The following EXOC6B variants were observed in gnomAD, a reference collection of about 807,000 sequenced individuals.
EXOC6B encodes the protein exocyst complex component 6B, also known as SEC15 homolog B.
In EXOC6B, 54 loss-of-function variants were observed where a neutral mutation model predicts 113.5. That is an observed-to-expected ratio of 0.48 (90% CI 0.38 to 0.60). EXOC6B has a LOEUF of 0.60. Ranked by LOEUF, EXOC6B falls within the 20% of genes least tolerant of loss-of-function variation. The probability of loss-of-function intolerance (pLI) is 0.00; values close to 1 mark genes in which losing one functional copy is unlikely to be tolerated. For synonymous variants in EXOC6B, 357 were observed against 339.0 expected, an observed-to-expected ratio of 1.05 and a Z score of -0.58; for missense variants, 797 against 977.5, an observed-to-expected ratio of 0.82 and a Z score of 2.46.
chr2:72,709,795 G>A (rs746017872), intron 6 of EXOC6B, among the ~76,000 whole-genome samples: 6 of 151,688 alleles, frequency 4.0e-5, no homozygotes, highest in South Asian at 2.1e-4. Context: ...AAATTTCTAC[G>A]GTTTAGATTG....
rs561559583 is a variant in EXOC6B at position 72,524,225 on chromosome 2, C to CA, written c.916-9100dup. On this transcript the variant is annotated intron_variant, in intron 8 of 21. Transcript: ENST00000272427. ...TGTGAAAAGGGGAGTACTTTTCATA[C>CA]AGCCCCATAATGATGTTCAGCGGGA... 4.7e-4 allele frequency among the ~76,000 whole-genome samples: 71 copies of CA among 151,160 alleles called. 2 individuals are homozygous for CA. The highest frequency in any genetic ancestry group is 3.4e-3 in the Middle Eastern group (1 of 294).
chr2:72,401,642 TATAC>T (rs1170634067), intron 18 of EXOC6B, among the ~76,000 whole-genome samples: 52 of 50,416 alleles, frequency 1.0e-3, no homozygotes, highest in African/African-American at 1.3e-3. Context: ...TATATACATA[TATAC>T]ATATATATAT....
intron 20 of EXOC6B, among the ~76,000 whole-genome samples, chr2:72,271,031 G>A (rs904799449): frequency 6.6e-6 from 1 of 152,154 alleles, no homozygotes. Context: ...ATAATTGCTT[G>A]AGTAATGCTC....
chr2:72,530,557 G>A (rs772492892), intron 8 of EXOC6B, among the ~76,000 whole-genome samples: 1 of 152,114 alleles, frequency 6.6e-6, no homozygotes, highest in Non-Finnish European at 1.5e-5. Context: ...TTCTACTGAT[G>A]TTATGTACAG....
chr2:72,219,852 T>C (rs1374565081), intron 20 of EXOC6B, among the ~76,000 whole-genome samples: 4 of 152,210 alleles, frequency 2.6e-5, no homozygotes, highest in Non-Finnish European at 5.9e-5. Flanking sequence ...AGATCATTAG[T>C]ATCCCATGTA....
At chr2:72,305,072 T>C (rs1415849215) in intron 20 of EXOC6B, among the ~76,000 whole-genome samples, 2 of 152,174 alleles carry the variant, frequency 1.3e-5, no homozygotes, top group Non-Finnish European at 2.9e-5. Flanking sequence ...ATTCACCATA[T>C]GACAGGTAGT....
chr2:72,353,172 G>C (rs1689760905), intron 19 of EXOC6B, among the ~76,000 whole-genome samples: 1 of 152,142 alleles, frequency 6.6e-6, no homozygotes, highest in South Asian at 2.1e-4. Flanking sequence ...GGAGTTCGTT[G>C]ATAGAGCAGA....
At chr2:72,394,063 A>G (rs1198967241) in intron 18 of EXOC6B, among the ~76,000 whole-genome samples, 1 of 152,204 alleles carries the variant, frequency 6.6e-6, no homozygotes, top group Non-Finnish European at 1.5e-5. Context: ...ATAGCTAAAT[A>G]AAAATAAATC....
intron 6 of EXOC6B, among the ~76,000 whole-genome samples, chr2:72,694,908 A>C (rs774228446): frequency 6.6e-6 from 1 of 152,376 alleles, no homozygotes; most frequent in South Asian, 2.1e-4. Context: ...AATCAGTATC[A>C]CATAAAGTTT....
chr2:72,256,617 T>C (rs1431373999), intron 20 of EXOC6B, among the ~76,000 whole-genome samples: 2 of 152,186 alleles, frequency 1.3e-5, no homozygotes. Flanking sequence ...AGTTTAAAAC[T>C]GGCTGATCAT....
intron 6 of EXOC6B, among the ~76,000 whole-genome samples, chr2:72,652,598 C>G (rs1403526412): frequency 6.6e-6 from 1 of 150,834 alleles, no homozygotes; most frequent in Non-Finnish European, 1.5e-5. Flanking sequence ...ATTAGTGAGG[C>G]TACTTAAAGA....
intron 20 of EXOC6B, among the ~76,000 whole-genome samples, chr2:72,312,687 G>A (rs1000899683): frequency 5.3e-5 from 8 of 151,460 alleles, no homozygotes; most frequent in Non-Finnish European, 8.8e-5. Flanking sequence ...CCCAGGAGGC[G>A]GAGGTTGCAG....
intron 6 of EXOC6B, among the ~76,000 whole-genome samples, chr2:72,717,712 C>T (rs926096957): frequency 2.6e-5 from 4 of 152,030 alleles, no homozygotes; most frequent in African/African-American, 7.2e-5. Context: ...ATATAACATG[C>T]TATCTTGCTT....
chr2:72,565,346 G>C, intron 7 of EXOC6B, among the ~76,000 whole-genome samples: 1 of 74,124 alleles, frequency 1.3e-5, no homozygotes, highest in African/African-American at 1.0e-4. Context: ...GTGAGACCCT[G>C]TCTAAAAAAA....
At chr2:72,771,712 C>T (rs1372427441) in intron 1 of EXOC6B, among the ~76,000 whole-genome samples, 2 of 152,088 alleles carry the variant, frequency 1.3e-5, no homozygotes, top group African/African-American at 4.8e-5. Context: ...TGGTAGCTCA[C>T]ATCTGTAATC....
intron 6 of EXOC6B, among the ~76,000 whole-genome samples, chr2:72,656,198 G>A (rs1674560079): frequency 6.6e-6 from 1 of 151,990 alleles, no homozygotes; most frequent in Non-Finnish European, 1.5e-5. Flanking sequence ...GCAATAAACA[G>A]GAGAGAAAAA....
chr2:72,685,768 G>A (rs996882475), intron 6 of EXOC6B, among the ~76,000 whole-genome samples: 5 of 152,154 alleles, frequency 3.3e-5, no homozygotes, highest in African/African-American at 1.2e-4. Context: ...AATAAAGAGT[G>A]CAGACTCATA....
At chr2:72,244,590 T>G (rs1573075684) in intron 20 of EXOC6B, among the ~76,000 whole-genome samples, 1 of 151,772 alleles carries the variant, frequency 6.6e-6, no homozygotes, top group East Asian at 1.9e-4. Flanking sequence ...AACATAAAAC[T>G]GATGAAAATT....
chr2:72,822,759 G>A (rs778453001), intron 1 of EXOC6B, among the ~76,000 whole-genome samples: 5 of 151,980 alleles, frequency 3.3e-5, no homozygotes, highest in Non-Finnish European at 5.9e-5. Context: ...CCCATCTCAC[G>A]AACAGTTAAG....
Sources: allele counts gnomAD v4.1 joint callset (sites outside exome capture counted in the v4.1 genomes callset), GRCh38; gene constraint gnomAD v4.1.1; transcripts MANE v1.5; gene names NCBI Gene and HGNC (gene_info 2026-07-23, HGNC 2026-07-21).